Variants in ESRP1 observed in about 807,000 individuals in gnomAD.
The protein encoded by ESRP1 is RNA-binding motif protein 35A.
In ESRP1, 33 loss-of-function variants were observed where a neutral mutation model predicts 81.7. The ratio of observed to expected loss-of-function variants is 0.40; its 90% CI spans 0.31 to 0.54. ESRP1 has a LOEUF of 0.54. ESRP1 is among the 20% of genes least tolerant of loss of function. The probability of loss-of-function intolerance (pLI) is 0.41; values close to 1 mark genes in which losing one functional copy is unlikely to be tolerated. For synonymous variants in ESRP1, 320 were observed against 303.3 expected, an observed-to-expected ratio of 1.06 and a Z score of -0.57; for missense variants, 672 against 833.1, an observed-to-expected ratio of 0.81 and a Z score of 2.38.
chr8:94,644,415 T>C (rs577797823), intron 3 of ESRP1, among the ~76,000 whole-genome samples: 1 of 152,336 alleles, frequency 6.6e-6, no homozygotes, highest in South Asian at 2.1e-4. Flanking sequence ...TAATATATTA[T>C]GACAATTCAA....
chr8:94,675,503 C>T (rs1035977781), intron 12 of ESRP1, among the ~76,000 whole-genome samples: 1 of 152,122 alleles, frequency 6.6e-6, no homozygotes, highest in South Asian at 2.1e-4. Context: ...TGCTAATATT[C>T]CATTTACCTG....
At chr8:94,678,090 G>T (rs1484017629) in intron 12 of ESRP1, 113 bp from the exon 13 acceptor site, 1 of 1,100,600 alleles carries the variant, frequency 9.1e-7, no homozygotes, top group African/African-American at 1.6e-5. Context: ...ATAAAGAACT[G>T]TGGTCTCTTT....
At chr8:94,669,456 A>G (rs1347104528) in intron 10 of ESRP1, among the ~76,000 whole-genome samples, 1 of 152,222 alleles carries the variant, frequency 6.6e-6, no homozygotes, top group Admixed American at 6.5e-5. Flanking sequence ...TTTACCTACT[A>G]GAATGCCAAA....
At chr8:94,654,744 A>T (rs537214321) in intron 4 of ESRP1, among the ~76,000 whole-genome samples, 8 of 152,192 alleles carry the variant, frequency 5.3e-5, no homozygotes, top group African/African-American at 1.9e-4. Context: ...CAACACAGGG[A>T]GACCCTGTCT....
At chr8:94,690,951 A>C (rs1304558801) in intron 13 of ESRP1, among the ~76,000 whole-genome samples, 1 of 152,196 alleles carries the variant, frequency 6.6e-6, no homozygotes, top group Admixed American at 6.5e-5. Flanking sequence ...AGAAGTCAAG[A>C]GTTTGGGTGA....
chr8:94,695,413 G>C (rs1809565096), intron 14 of ESRP1, among the ~76,000 whole-genome samples: 1 of 122,334 alleles, frequency 8.2e-6, no homozygotes, highest in Non-Finnish European at 1.6e-5. Context: ...GGAGTGCAGT[G>C]GCGCAATCTC....
intron 4 of ESRP1, among the ~76,000 whole-genome samples, chr8:94,660,824 T>C (rs562181689): frequency 1.6e-3 from 241 of 147,418 alleles, no homozygotes; most frequent in African/African-American, 5.8e-3. Context: ...TCAAACAGCA[T>C]CACAGGCTAC....
intron 3 of ESRP1, 40 bp from the exon 4 acceptor site, chr8:94,646,128 A>G: frequency 8.3e-6 from 10 of 1,200,420 alleles, no homozygotes; most frequent in African/African-American, 1.5e-5. Flanking sequence ...CATTGAACCA[A>G]ATTCACCTAG....
intron 3 of ESRP1, among the ~76,000 whole-genome samples, chr8:94,644,406 A>G (rs1817748323): frequency 1.3e-5 from 2 of 152,212 alleles, no homozygotes; most frequent in African/African-American, 4.8e-5. Flanking sequence ...TATTTCGTTT[A>G]ATATATTATG....
At chr8:94,685,333 A>G (rs1809094935) in intron 13 of ESRP1, among the ~76,000 whole-genome samples, 1 of 152,192 alleles carries the variant, frequency 6.6e-6, no homozygotes, top group African/African-American at 2.4e-5. Context: ...TAGACAATAT[A>G]TGTCAGGGTC....
At chr8:94,662,756 C>A (rs1340668783) in intron 6 of ESRP1, among the ~76,000 whole-genome samples, 1 of 152,040 alleles carries the variant, frequency 6.6e-6, no homozygotes, top group Non-Finnish European at 1.5e-5. Context: ...TACAGGCTCC[C>A]GCTACCATAC....
chr8:94,699,503 A>G (rs1156288978), intron 15 of ESRP1, among the ~76,000 whole-genome samples: 9 of 151,852 alleles, frequency 5.9e-5, no homozygotes, highest in Admixed American at 3.3e-4. Context: ...AAAATTACCT[A>G]GGTGTGGTGG....
chr8:94,702,573 A>G (rs1443179060), intron 15 of ESRP1, among the ~76,000 whole-genome samples: 1 of 152,230 alleles, frequency 6.6e-6, no homozygotes, highest in East Asian at 1.9e-4. Flanking sequence ...GTCCAGAATA[A>G]CAGTAAAAAC....
chr8:94,695,801 A>G (rs1809582550), intron 14 of ESRP1, among the ~76,000 whole-genome samples: 1 of 148,098 alleles, frequency 6.8e-6, no homozygotes, highest in African/African-American at 2.6e-5. Flanking sequence ...AGTGGTTCAC[A>G]CCTGTAATCC....
chr8:94,672,108 T>G (rs1221099140), intron 11 of ESRP1, among the ~76,000 whole-genome samples: 1 of 152,224 alleles, frequency 6.6e-6, no homozygotes, highest in Non-Finnish European at 1.5e-5. Flanking sequence ...TCTGCTGTAG[T>G]GTTACAGCAA....
rs576541699 is a variant in ESRP1 at position 94,672,113 on chromosome 8, C to T, written c.1452+442C>T. On this transcript the variant is annotated intron_variant, in intron 11 of 15. Transcript: ENST00000433389. Reference sequence around the variant, plus strand: ...ACTCTGCAACTCTGCTGTAGTGTTACAGCAATCATGGATGATGCTTATTTT... The same window carrying T: ...ACTCTGCAACTCTGCTGTAGTGTTATAGCAATCATGGATGATGCTTATTTT... 8.7e-4 allele frequency among the ~76,000 whole-genome samples: 132 copies of T among 152,284 alleles called. 1 individual carries two copies. Among genetic ancestry groups the T allele is most frequent in the African/African-American group, 2.8e-3 (117 of 41,576 alleles).
chr8:94,691,704 A>G (rs1350712800), intron 13 of ESRP1, among the ~76,000 whole-genome samples: 6 of 152,198 alleles, frequency 3.9e-5, no homozygotes, highest in Admixed American at 6.5e-5. Flanking sequence ...CCCTTCTATT[A>G]TGTGTTTAAT....
intron 11 of ESRP1, among the ~76,000 whole-genome samples, chr8:94,673,382 G>A (rs1205359004): frequency 6.6e-6 from 1 of 152,160 alleles, no homozygotes; most frequent in Non-Finnish European, 1.5e-5. Context: ...AGGATGTTAG[G>A]TTTCCATCTT....
In ESRP1 at chr8:94,668,103, C is replaced by T; in HGVS notation, c.1086C>T (p.Val362=). 4 of 1,614,006 alleles carry T rather than the reference C, an allele frequency of 2.5e-6. No homozygotes were observed. The highest frequency in any genetic ancestry group is 3.4e-6 in the Non-Finnish European group (4 of 1,179,896). Residue 362 remains valine, a synonymous_variant, in exon 10 of 16, where the codon GTC becomes GTT. Transcript: ENST00000433389. The part of the protein sequence containing the change: ...ITGGKEGILF[V]TYPDGRPTGD... ...GGGGAAAGGAAGGCATCCTCTTTGT[C>T]ACCTACCCAGATGGTAGGCCAACAG...
Sources: allele counts gnomAD v4.1 joint callset (sites outside exome capture counted in the v4.1 genomes callset), GRCh38; gene constraint gnomAD v4.1.1; transcripts MANE v1.5; gene names NCBI Gene and HGNC (gene_info 2026-07-23, HGNC 2026-07-21).